The following ELAVL2 variants were observed in gnomAD, a reference collection of about 807,000 sequenced individuals.
ELAVL2 encodes the protein ELAV-like protein 2.
Under a neutral mutation model 34.6 loss-of-function variants are expected in ELAVL2, and 4 were observed. That is an observed-to-expected ratio of 0.12 (90% CI 0.06 to 0.26). The LOEUF is 0.26. ELAVL2 is among the 10% of genes least tolerant of loss of function. The pLI, the probability that ELAVL2 is intolerant of heterozygous loss-of-function variation, is 1.00. For synonymous variants in ELAVL2, 193 were observed against 154.8 expected, an observed-to-expected ratio of 1.25 and a Z score of -1.83; for missense variants, 432 against 442.8, an observed-to-expected ratio of 0.98 and a Z score of 0.22.
intron 2 of ELAVL2, among the ~76,000 whole-genome samples, chr9:23,735,053 A>G (rs2047484356): frequency 6.8e-6 from 1 of 148,100 alleles, no homozygotes; most frequent in African/African-American, 2.5e-5. Context: ...CATTATGGAA[A>G]CCAACATGAT....
chr9:23,827,875 C>T (rs16907813), upstream of ELAVL2, among the ~76,000 whole-genome samples: 4,730 of 152,202 alleles, frequency 0.031, 147 homozygotes, highest in African/African-American at 0.073. Flanking sequence ...AGTTCTGTTA[C>T]TTTGCATGAC....
intron 3 of ELAVL2, among the ~76,000 whole-genome samples, chr9:23,709,015 C>T (rs574624153): frequency 6.6e-6 from 1 of 152,152 alleles, no homozygotes. Context: ...AGAAACTACA[C>T]ATCATCATTA....
chr9:23,722,181 T>C (rs187221745), intron 3 of ELAVL2, among the ~76,000 whole-genome samples: 4 of 152,346 alleles, frequency 2.6e-5, no homozygotes, highest in Non-Finnish European at 4.4e-5. Flanking sequence ...CCATCCATGC[T>C]TTTTTAAAGA....
At chr9:23,739,614 G>A (rs2135096529) in intron 2 of ELAVL2, among the ~76,000 whole-genome samples, 1 of 150,172 alleles carries the variant, frequency 6.7e-6, no homozygotes, top group Middle Eastern at 3.4e-3. Context: ...AAAAGACAAT[G>A]GAGTTGTTCA....
intron 1 of ELAVL2, among the ~76,000 whole-genome samples, chr9:23,799,369 AC>A (rs1483832148): frequency 2.0e-5 from 3 of 152,088 alleles, no homozygotes; most frequent in African/African-American, 7.2e-5. Context: ...GAGATAAGAA[AC>A]CCAGGACCTG....
intron 1 of ELAVL2, among the ~76,000 whole-genome samples, chr9:23,782,863 A>ACC (rs2059243392): frequency 1.3e-5 from 2 of 152,132 alleles, no homozygotes; most frequent in Admixed American, 1.3e-4. Flanking sequence ...AAGGATGGAG[A>ACC]CCCCGGGGCA....
intron 1 of ELAVL2, among the ~76,000 whole-genome samples, chr9:23,770,361 G>T (rs78099305): frequency 2.0e-5 from 3 of 152,112 alleles, no homozygotes; most frequent in African/African-American, 7.2e-5. Flanking sequence ...GTGATAGGAA[G>T]AAAAATCCCC....
At position 23,725,519 on chromosome 9, in the gene ELAVL2, A is replaced by G. The variant is rs375613137; in HGVS notation, c.333+5503T>C. Among the ~76,000 whole-genome samples, 16 of 152,278 alleles carry G rather than the reference A, an allele frequency of 1.1e-4. No individual in the cohort carries two copies. In the East Asian group the frequency reaches 2.9e-3, roughly 28 times the overall value. On this transcript the variant is annotated intron_variant, in intron 3 of 6. Coordinates refer to ENST00000397312, the MANE Select transcript of ELAVL2 (RefSeq NM_004432.5). ...TAGCTTTACTTACATTCCTGCCTGC[A>G]TACCCTCTCCTCCTTCTTTACAGTG...
chr9:23,761,096 C>T (rs1298864351), intron 2 of ELAVL2, among the ~76,000 whole-genome samples: 1 of 152,082 alleles, frequency 6.6e-6, no homozygotes, highest in Non-Finnish European at 1.5e-5. Flanking sequence ...TCATTCTTCA[C>T]ACTGCCTTTA....
intron 1 of ELAVL2, among the ~76,000 whole-genome samples, chr9:23,790,239 T>C (rs917980869): frequency 6.6e-6 from 1 of 151,974 alleles, no homozygotes; most frequent in African/African-American, 2.4e-5. Flanking sequence ...ATCTTGAAAT[T>C]AAACTTCTGT....
upstream of ELAVL2, among the ~76,000 whole-genome samples, chr9:23,827,374 T>C (rs760796375): frequency 2.6e-5 from 4 of 152,170 alleles, no homozygotes; most frequent in Non-Finnish European, 2.9e-5. Context: ...TGCATGATAA[T>C]TGTTTCTTCC....
chr9:23,822,227 CTT>C (rs2064900643), intron 1 of ELAVL2, among the ~76,000 whole-genome samples: 2 of 152,216 alleles, frequency 1.3e-5, no homozygotes, highest in African/African-American at 4.8e-5. Flanking sequence ...ATGTGTGTCT[CTT>C]TTAAAAATTC....
At position 23,731,035 on chromosome 9, in the gene ELAVL2, G is replaced by C; in HGVS notation, c.320C>G (p.Thr107Ser). The C allele has an allele frequency of 6.2e-7, 1 of 1,612,406 alleles. No individual in the cohort carries two copies. The highest frequency in any genetic ancestry group is 2.2e-5 in the East Asian group (1 of 44,808). The change falls in exon 3 of 7, where the codon ACC (threonine) becomes AGC (serine). Residue 107 changes from threonine to serine, a missense_variant. Physicochemically the swap from Thr to Ser is moderately conservative, Grantham distance 58. Coordinates refer to ENST00000397312, the MANE Select transcript of ELAVL2 (RefSeq NM_004432.5). The stretch of plus-strand genomic sequence containing the variant: ...CTTTAAACATACTTTTATTGTTTTG[G>C]TTTGAAGTCTCAATCCATTCAGGGT... ...INTLNGLRLQ[T>S]KTIKVSYARP...
intron 3 of ELAVL2, among the ~76,000 whole-genome samples, chr9:23,716,694 T>C (rs141489491): frequency 6.6e-6 from 1 of 152,228 alleles, no homozygotes; most frequent in African/African-American, 2.4e-5. Context: ...ACCAAATAGA[T>C]GAGAAAGGAA....
chr9:23,810,610 A>G (rs1416671475), intron 1 of ELAVL2, among the ~76,000 whole-genome samples: 1 of 152,100 alleles, frequency 6.6e-6, no homozygotes, highest in Non-Finnish European at 1.5e-5. Context: ...GCCACCTTAA[A>G]CTACAGCCAG....
intron 2 of ELAVL2, 21 bp from the exon 3 acceptor site, chr9:23,731,146 A>C (rs777888616): frequency 1.7e-5 from 27 of 1,604,278 alleles, no homozygotes; most frequent in Admixed American, 3.4e-5. Flanking sequence ...GGAAGGGGAA[A>C]AAGGCATATA....
chr9:23,835,005 C>T, the ELAVL2 span, among the ~76,000 whole-genome samples: 1 of 151,980 alleles, frequency 6.6e-6, no homozygotes, highest in African/African-American at 2.4e-5. Context: ...TTCTCATTTT[C>T]AGGGGGCATA....
chr9:23,837,241 C>T, the ELAVL2 span, among the ~76,000 whole-genome samples: 3 of 152,240 alleles, frequency 2.0e-5, no homozygotes, highest in Admixed American at 2.0e-4. Context: ...TCTGCGTAGC[C>T]CAGGACGCCT....
intron 2 of ELAVL2, chr9:23,735,346 C>G (rs1488894849): frequency 6.6e-6 from 1 of 152,134 alleles, no homozygotes; most frequent in African/African-American, 2.4e-5. Context: ...GGCATGATCT[C>G]GGATCACTGC....
Sources: allele counts gnomAD v4.1 joint callset (sites outside exome capture counted in the v4.1 genomes callset), GRCh38; gene constraint gnomAD v4.1.1; transcripts MANE v1.5; gene names NCBI Gene and HGNC (gene_info 2026-07-23, HGNC 2026-07-21).